YWHAZ: variants seen among roughly 807,000 people sequenced by gnomAD.
YWHAZ encodes 14-3-3 protein zeta/delta.
For synonymous variants in YWHAZ, 87 were observed against 103.6 expected (o/e 0.84, Z 0.97); for missense variants, 79 against 284.8 (o/e 0.28, Z 5.20).
intron 2 of YWHAZ, among the ~76,000 whole-genome samples, chr8:100,946,389 A>G (rs965876139): frequency 6.6e-6 from 1 of 152,150 alleles, no homozygotes; most frequent in Non-Finnish European, 1.5e-5. Flanking sequence ...ATCTTTACTA[A>G]AAGTACAAAA....
chr8:100,947,253 CA>C (rs1185334118), intron 2 of YWHAZ, among the ~76,000 whole-genome samples: 3,718 of 83,714 alleles, frequency 0.044, 106 homozygotes, highest in African/African-American at 0.1. Flanking sequence ...GACTCCGTCT[CA>C]AAAAAAAAAA....
chr8:100,923,881 A>T lies in YWHAZ; in HGVS notation c.678+74T>A, dbSNP rs1813192759. ...AAATTTTAAAAGATGTATTTAATAA[A>T]AAAAAAAATTCCCTAGAGTAAAACA... On this transcript the variant is annotated intron_variant, in intron 5 of 5. Coordinates refer to ENST00000395958, the MANE Select transcript of YWHAZ (RefSeq NM_145690.3). 9 of 1,298,944 alleles carry T rather than the reference A, an allele frequency of 6.9e-6. No individual in the cohort carries two copies. The East Asian group carries it at 2.2e-4, about 32-fold the overall frequency. 80.5% of individuals were successfully genotyped at this position (1,298,944 alleles called of 1,614,324 possible).
At chr8:100,929,460 A>G (rs1358973391) in intron 2 of YWHAZ, among the ~76,000 whole-genome samples, 1 of 152,198 alleles carries the variant, frequency 6.6e-6, no homozygotes, top group Non-Finnish European at 1.5e-5. Flanking sequence ...TCAGCCTCCC[A>G]AAGTGCTGGG....
Position 100,948,795 on chromosome 8 carries a change from T to G in YWHAZ, c.95A>C (p.Gln32Pro). Residue 32 changes from glutamine (Q) to proline (P), a missense_variant, in exon 2 of 6, where the codon CAA becomes CCA. Coordinates refer to ENST00000395958, the MANE Select transcript of YWHAZ (RefSeq NM_145690.3). This position sits in a 1 kb window ranked among gnomAD's most constrained non-coding sequence, Gnocchi z 4.2. Reference sequence around the variant, plus strand: ...CTCCTCATTGGATAATTCAGCTCCTTGCTCAGTTACAGACTTCATGCAGGC... The same window carrying G: ...CTCCTCATTGGATAATTCAGCTCCTGGCTCAGTTACAGACTTCATGCAGGC... ...MAACMKSVTE[Q>P]GAELSNEERN... 6.3e-7 allele frequency: 1 copy of G among 1,599,676 alleles called. No individual in the cohort carries two copies. The highest frequency in any genetic ancestry group is 8.5e-7 in the Non-Finnish European group (1 of 1,179,950).
intron 1 of YWHAZ, among the ~76,000 whole-genome samples, chr8:100,950,185 C>T (rs1340520682): frequency 6.6e-6 from 1 of 152,182 alleles, no homozygotes; most frequent in Non-Finnish European, 1.5e-5. Context: ...GCATTATTTT[C>T]GTCAGGTCTC....
Position 100,947,073 on chromosome 8 carries a change from G to A in YWHAZ, c.294+1523C>T, listed in dbSNP as rs369621783. Among the ~76,000 whole-genome samples, 61 of 151,360 alleles carry A rather than the reference G, an allele frequency of 4.0e-4. No homozygotes were observed. The East Asian group carries it at 0.012, about 29-fold the overall frequency. ...TCGAGACCATCCTGGCTAACATGGT[G>A]AAACCCCGTCTCTACTAAAAATACA... On this transcript the variant is annotated intron_variant, in intron 2 of 5. Transcript: ENST00000395958.
rs1813215417 is a variant in YWHAZ, at chr8:100,924,318, A to G, written c.419-20T>C. 6.2e-7 allele frequency: 1 copy of G among 1,605,604 alleles called. No individual in the cohort carries two copies. Among genetic ancestry groups the G allele is most frequent in the African/African-American group, 1.3e-5 (1 of 74,826 alleles). ...CAATCCCTGGATAAGACACACCAAA[A>G]CGTACTGAGATAAAGTGTGCATTAT... is the stretch of plus-strand genomic sequence containing the variant. On this transcript the variant is annotated intron_variant, in intron 3 of 5. Coordinates refer to ENST00000395958, the MANE Select transcript of YWHAZ (RefSeq NM_145690.3). This position sits in a 1 kb window ranked among gnomAD's most constrained non-coding sequence, Gnocchi z 5.7.
At chr8:100,941,415 T>TC (rs1347972623) in intron 2 of YWHAZ, among the ~76,000 whole-genome samples, 6 of 152,224 alleles carry the variant, frequency 3.9e-5, no homozygotes, top group Non-Finnish European at 7.3e-5. Context: ...ACCAGTGGGT[T>TC]CCTTGGTATA....
chr8:100,946,250 C>T (rs947841054), intron 2 of YWHAZ, among the ~76,000 whole-genome samples: 1 of 152,176 alleles, frequency 6.6e-6, no homozygotes, highest in Non-Finnish European at 1.5e-5. Context: ...AAAACTGCTA[C>T]AAGTTGGGCT....
chr8:100,942,574 G>C (rs955998503), intron 2 of YWHAZ, among the ~76,000 whole-genome samples: 5 of 152,150 alleles, frequency 3.3e-5, no homozygotes, highest in African/African-American at 1.2e-4. Flanking sequence ...TGTTTTCAAG[G>C]AGAAAAGAAC....
intron 1 of YWHAZ, chr8:100,951,533 G>A (rs760432414): frequency 1.8e-5 from 18 of 985,530 alleles, no homozygotes; most frequent in Admixed American, 1.2e-4. Flanking sequence ...GCGAGGGAGG[G>A]GGTGGAAGCC....
Position 100,951,218 on chromosome 8 carries a change from G to A in YWHAZ, c.-12+711C>T, listed in dbSNP as rs528056223. 5 of 984,814 alleles carry A rather than the reference G, an allele frequency of 5.1e-6. No homozygotes were observed. In the East Asian group the frequency reaches 5.7e-4, roughly 113 times the overall value. 61.0% of individuals were successfully genotyped at this position (984,814 alleles called of 1,614,324 possible). On this transcript the variant is annotated intron_variant, in intron 1 of 5. Transcript: ENST00000395958. ...TGGACTCCCCTCCCGCCGGCGCGCA[G>A]CCTCGCCCCGGTCTACCTGGCGGGC...
chr8:100,932,980 G>A (rs988370462), intron 2 of YWHAZ, among the ~76,000 whole-genome samples: 4 of 152,164 alleles, frequency 2.6e-5, no homozygotes, highest in African/African-American at 9.7e-5. Context: ...TAAGGAACCA[G>A]TAAGTTTGAG....
At chr8:100,945,142 A>ACTTGC (rs1304778724) in intron 2 of YWHAZ, among the ~76,000 whole-genome samples, 1 of 152,218 alleles carries the variant, frequency 6.6e-6, no homozygotes, top group Non-Finnish European at 1.5e-5. Flanking sequence ...TGCAGTTTGA[A>ACTTGC]ATTAACACGT....
chr8:100,950,394 T>C (rs1810624340), intron 1 of YWHAZ: 17 of 985,454 alleles, frequency 1.7e-5, no homozygotes, highest in Non-Finnish European at 2.0e-5. Context: ...ACCGCACCCA[T>C]TTAACCCTTA....
chr8:100,932,652 G>A (rs983478070), intron 2 of YWHAZ, among the ~76,000 whole-genome samples: 9 of 151,872 alleles, frequency 5.9e-5, no homozygotes, highest in Non-Finnish European at 7.4e-5. Context: ...GATATTTGTC[G>A]AATACCTAGG....
intron 1 of YWHAZ, chr8:100,951,130 C>T: frequency 4.1e-6 from 4 of 983,296 alleles, no homozygotes; most frequent in South Asian, 9.4e-5. Context: ...CCTCCCACCG[C>T]GGAGCCCAGG....
In YWHAZ at chr8:100,924,392, A is replaced by AT; in HGVS notation, c.419-95dup. 2 of 1,296,012 alleles carry AT rather than the reference A, an allele frequency of 1.5e-6. No individual in the cohort carries two copies. The highest frequency in any genetic ancestry group is 2.1e-6 in the Non-Finnish European group (2 of 952,910). 80.3% of individuals were successfully genotyped at this position (1,296,012 alleles called of 1,614,324 possible). ...TTTAATATCTCACATATCCTTTGAA[A>AT]TACTAACCTGTAACAGCTTAATATT... On this transcript the variant is annotated intron_variant, in intron 3 of 5. Transcript: ENST00000395958. This position sits in a 1 kb window ranked among gnomAD's most constrained non-coding sequence, Gnocchi z 5.7.
Position 100,922,886 on chromosome 8 carries a change from G to C in YWHAZ, c.678+1069C>G, listed in dbSNP as rs1813127159. 1 of 152,156 alleles carries C rather than the reference G, an allele frequency of 6.6e-6. No homozygotes were observed. Among genetic ancestry groups the C allele is most frequent in the African/African-American group, 2.4e-5 (1 of 41,444 alleles). 9.4% of individuals were successfully genotyped at this position (152,156 alleles called of 1,614,324 possible). A position where few individuals can be genotyped will look rare whatever the true frequency, so the allele number is the denominator to read the frequency against. On this transcript the variant is annotated intron_variant, in intron 5 of 5. Coordinates refer to ENST00000395958, the MANE Select transcript of YWHAZ (RefSeq NM_145690.3). The surrounding 1 kb of genome is among the most constrained non-coding windows in gnomAD (Gnocchi z 4.1). ...TAATACTAAAGTTAGTTAACAAAGT[G>C]CTTCTTATGTTTGATATATAAGATT...
Sources: allele counts gnomAD v4.1 joint callset (sites outside exome capture counted in the v4.1 genomes callset), GRCh38; gene constraint gnomAD v4.1.1; non-coding constraint Gnocchi (gnomAD v3.1); transcripts MANE v1.5; gene names NCBI Gene and HGNC (gene_info 2026-07-23, HGNC 2026-07-21).